Variants in NEB observed in about 807,000 individuals in gnomAD.
NEB encodes nebulin.
In NEB, 512 loss-of-function variants were observed where a neutral mutation model predicts 952.2. The ratio of observed to expected loss-of-function variants is 0.54; its 90% confidence interval spans 0.50 to 0.58. The LOEUF (loss-of-function observed/expected upper bound fraction) is 0.58. NEB is among the 20% of genes least tolerant of loss of function. The pLI, the probability that NEB is intolerant of heterozygous loss-of-function variation, is 0.00. For missense variants in NEB, 8,428 were observed against 9,231.1 expected, an observed-to-expected ratio of 0.91 and a Z score of 3.56; for synonymous variants, 2,900 against 3,149.8, an observed-to-expected ratio of 0.92 and a Z score of 2.66.
At chr2:151,549,409 G>A (rs927368793) in intron 130 of NEB, among the ~76,000 whole-genome samples, 7 of 152,146 alleles carry the variant, frequency 4.6e-5, no homozygotes, top group African/African-American at 1.2e-4. Flanking sequence ...AGGCTCCCAC[G>A]AACATTCTGT....
In NEB at chr2:151,644,327, C is replaced by T. The variant is rs189833374; in HGVS notation, c.7644+141G>A. ...TAATAAATGCATCCTTGATCTTATCCTCATCCCACACTGCATGGGATCATT... is the reference window on the plus strand; with the variant it reads ...TAATAAATGCATCCTTGATCTTATCTTCATCCCACACTGCATGGGATCATT... On this transcript the variant is annotated intron_variant, in intron 56 of 181. Transcript: ENST00000397345. The T allele has an allele frequency of 6.2e-4, 650 of 1,045,170 alleles. 5 individuals carry two copies. In the African/African-American group the frequency reaches 9.0e-3, roughly 14 times the overall value. 64.7% of individuals were successfully genotyped at this position (1,045,170 alleles called of 1,614,324 possible).
intron 42 of NEB, 71 bp downstream of exon 42, chr2:151,665,262 G>A: frequency 1.4e-6 from 2 of 1,404,170 alleles, no homozygotes; most frequent in Non-Finnish European, 2.0e-6. Flanking sequence ...GAGACGATTG[G>A]GGCACTGCCA....
intron 36 of NEB, among the ~76,000 whole-genome samples, chr2:151,673,305 G>T (rs563351070): frequency 6.6e-6 from 1 of 152,142 alleles, no homozygotes; most frequent in Non-Finnish European, 1.5e-5. Flanking sequence ...TTATGCAAGA[G>T]AATTCAAATC....
At chr2:151,491,542 C>G (rs548145659) in intron 179 of NEB, 141 bp downstream of exon 179, 59 of 720,510 alleles carry the variant, frequency 8.2e-5, no homozygotes, top group East Asian at 5.8e-4. Context: ...CACTAGTTAA[C>G]AAGGTATTTT....
intron 3 of NEB, 95 bp downstream of exon 3, chr2:151,733,026 G>C: frequency 9.2e-7 from 1 of 1,084,400 alleles, no homozygotes; most frequent in Non-Finnish European, 1.4e-6. Context: ...AGTTATAATA[G>C]ACAATGTATT....
chr2:151,644,413 G>T, intron 56 of NEB, 55 bp downstream of exon 56: 1 of 1,475,810 alleles, frequency 6.8e-7, no homozygotes, highest in Non-Finnish European at 9.5e-7. Flanking sequence ...AATTGAGACT[G>T]CTTTGAAGTG....
At chr2:151,670,538 TC>T (rs1290282679) in intron 38 of NEB, among the ~76,000 whole-genome samples, 1 of 151,782 alleles carries the variant, frequency 6.6e-6, no homozygotes, top group Non-Finnish European at 1.5e-5. Flanking sequence ...CAGAATGAGA[TC>T]CCAGATGACT....
In NEB at chr2:151,709,756, T is replaced by C. The variant is rs1485618009; in HGVS notation, c.935A>G (p.Tyr312Cys). 6.3e-7 allele frequency: 1 copy of C among 1,594,192 alleles called. No individual in the cohort carries two copies. The highest frequency in any genetic ancestry group is 8.6e-7 in the Non-Finnish European group (1 of 1,168,262). The change falls in exon 12 of 182, where the codon TAC becomes TGC. Residue 312 changes from tyrosine to cysteine, a missense_variant. By Grantham distance (194) the Tyr-to-Cys change is radical (BLOSUM62 -2). Coordinates refer to ENST00000397345, the MANE Select transcript of NEB (RefSeq NM_001164508.2). ...TTTCATGTTTTCAAAATCTTCCTGG[T>C]ATTTCCTCTGTAAGACATCAGACAA... The part of the protein sequence containing the change: ...MNADNISTRK[Y>C]QEDFENMKDQ...
intron 107 of NEB, among the ~76,000 whole-genome samples, chr2:151,575,028 C>T (rs2153802316): frequency 6.6e-6 from 1 of 152,318 alleles, no homozygotes; most frequent in Middle Eastern, 3.4e-3. Flanking sequence ...GCATGAGCCA[C>T]CATGCCCAGC....
At chr2:151,546,058 C>T (rs2094637298) in intron 134 of NEB, 60 bp from the exon 135 acceptor site, 11 of 1,096,422 alleles carry the variant, frequency 1.0e-5, no homozygotes, top group Non-Finnish European at 1.5e-5. Context: ...GGATTCATGT[C>T]ATATTGTCTT....
intron 38 of NEB, among the ~76,000 whole-genome samples, chr2:151,670,324 C>G (rs1038309674): frequency 6.6e-6 from 1 of 152,126 alleles, no homozygotes; most frequent in Non-Finnish European, 1.5e-5. Context: ...TTTTACTTAC[C>G]CGTCTCTTTC....
chr2:151,567,048 TG>T, intron 114 of NEB, 119 bp downstream of exon 114: 1 of 905,180 alleles, frequency 1.1e-6, no homozygotes, highest in Non-Finnish European at 1.6e-6. Context: ...CAATTCCCTT[TG>T]GGAACAAATT....
intron 36 of NEB, 32 bp downstream of exon 36, chr2:151,674,445 A>G: frequency 1.9e-6 from 3 of 1,542,344 alleles, no homozygotes; most frequent in Non-Finnish European, 2.7e-6. Flanking sequence ...AAAAAGGCAA[A>G]CACCTAAACT....
At chr2:151,642,322 C>G (rs1294056155) in intron 60 of NEB, among the ~76,000 whole-genome samples, 7 of 152,144 alleles carry the variant, frequency 4.6e-5, no homozygotes, top group Non-Finnish European at 8.8e-5. Context: ...GAACTATAGT[C>G]AAGTATCTAA....
At chr2:151,730,243 C>T (rs1431745463) in intron 3 of NEB, among the ~76,000 whole-genome samples, 2 of 151,980 alleles carry the variant, frequency 1.3e-5, no homozygotes, top group Non-Finnish European at 2.9e-5. Context: ...TGTGATTGTC[C>T]TAAACAGAGT....
At chr2:151,660,102 C>T (rs1026521319) in intron 46 of NEB, among the ~76,000 whole-genome samples, 3 of 152,154 alleles carry the variant, frequency 2.0e-5, no homozygotes, top group African/African-American at 7.2e-5. Context: ...TCCCAGATAA[C>T]CACATTCAAC....
Position 151,613,661 on chromosome 2 carries a change from A to C in NEB, c.11601+615T>G, listed in dbSNP as rs541478499. Among the ~76,000 whole-genome samples, 261 of 152,240 alleles carry C rather than the reference A, an allele frequency of 1.7e-3. 1 individual carries two copies. Among genetic ancestry groups the C allele is most frequent in the Middle Eastern group, 3.4e-3 (1 of 294 alleles). On this transcript the variant is annotated intron_variant, in intron 77 of 181. Coordinates refer to ENST00000397345, the MANE Select transcript of NEB (RefSeq NM_001164508.2). The stretch of plus-strand genomic sequence containing the variant: ...GAATTGTAATCCTCAATGTTGGAGG[A>C]GGGGCCTGGTGGGAGGTGATTGGAC...
chr2:151,720,330 G>T (rs1401576266), intron 9 of NEB, among the ~76,000 whole-genome samples: 2 of 152,180 alleles, frequency 1.3e-5, no homozygotes, highest in Non-Finnish European at 2.9e-5. Context: ...TACACATGGT[G>T]CATTCTGCAA....
chr2:151,707,045 G>T (rs1217055103), intron 12 of NEB, 48 bp from the exon 13 acceptor site: 1 of 1,224,812 alleles, frequency 8.2e-7, no homozygotes. Context: ...GGTTATTTTT[G>T]CCCCCGTCTC....
Sources: allele counts gnomAD v4.1 joint callset (sites outside exome capture counted in the v4.1 genomes callset), GRCh38; gene constraint gnomAD v4.1.1; transcripts MANE v1.5; gene names NCBI Gene and HGNC (gene_info 2026-07-23, HGNC 2026-07-21).